EHBP1: variants seen among roughly 807,000 people sequenced by gnomAD.
EHBP1 encodes the protein EH domain-binding protein 1.
In EHBP1, 55 loss-of-function variants were observed where a neutral mutation model predicts 144.0. The ratio of observed to expected loss-of-function variants is 0.38; its 90% CI spans 0.31 to 0.48. The LOEUF is 0.48. Ranked by LOEUF, EHBP1 falls within the 20% of genes least tolerant of loss-of-function variation. The pLI, the probability that EHBP1 is intolerant of heterozygous loss-of-function variation, is 0.98. For synonymous variants in EHBP1, 469 were observed against 472.7 expected (o/e 0.99, Z 0.10); for missense variants, 1,200 against 1,364.2 (o/e 0.88, Z 1.90).
chr2:62,985,276 G>C (rs1311590208), intron 15 of EHBP1, among the ~76,000 whole-genome samples: 1 of 152,038 alleles, frequency 6.6e-6, no homozygotes, highest in African/African-American at 2.4e-5. Context: ...ACAGTCCCTA[G>C]ACCACTTTTG....
chr2:62,890,071 C>G (rs2052330189), intron 10 of EHBP1, among the ~76,000 whole-genome samples: 1 of 151,280 alleles, frequency 6.6e-6, no homozygotes, highest in South Asian at 2.1e-4. Flanking sequence ...AGTGATTCTC[C>G]TGCCTCAGCC....
chr2:63,009,935 C>T (rs2060200212), intron 19 of EHBP1, among the ~76,000 whole-genome samples: 2 of 151,322 alleles, frequency 1.3e-5, no homozygotes, highest in Non-Finnish European at 3.0e-5. Context: ...ACAATTATAA[C>T]AATATACTGT....
At chr2:62,875,209 C>T (rs13431760) in intron 10 of EHBP1, among the ~76,000 whole-genome samples, 187 of 152,340 alleles carry the variant, frequency 1.2e-3, no homozygotes, top group Middle Eastern at 0.01. Context: ...GCTGCCACCC[C>T]GATGAAATGC....
At chr2:62,835,028 C>T (rs960573689) in intron 7 of EHBP1, among the ~76,000 whole-genome samples, 8 of 152,090 alleles carry the variant, frequency 5.3e-5, no homozygotes, top group Admixed American at 2.0e-4. Flanking sequence ...TCTCTTAAAG[C>T]CTCATTATAA....
At chr2:62,705,334 A>G (rs1468985024), upstream of EHBP1, among the ~76,000 whole-genome samples, 2 of 152,148 alleles carry the variant, frequency 1.3e-5, no homozygotes, top group African/African-American at 4.8e-5. Flanking sequence ...CTTAGGGGCC[A>G]GAAACCCAGC....
intron 3 of EHBP1, among the ~76,000 whole-genome samples, chr2:62,749,952 T>C (rs1216248039): frequency 6.6e-6 from 1 of 152,186 alleles, no homozygotes; most frequent in Non-Finnish European, 1.5e-5. Context: ...ACTCTCATGG[T>C]GGTTTCTTTT....
At chr2:62,905,557 G>A (rs2053732412) in intron 10 of EHBP1, among the ~76,000 whole-genome samples, 1 of 151,164 alleles carries the variant, frequency 6.6e-6, no homozygotes, top group Admixed American at 6.6e-5. Context: ...GGGCGCAGCA[G>A]CTCATACCTA....
rs947384290 is a variant in EHBP1, at chr2:62,843,816, A to G, written c.634+12658A>G. Among the ~76,000 whole-genome samples the G allele has an allele frequency of 5.3e-5, 8 of 152,224 alleles. 1 individual carries two copies. Among genetic ancestry groups the G allele is most frequent in the Non-Finnish European group, 1.0e-4 (7 of 68,018 alleles). ...AATAGCTCAAGAAAACAAAATGGAC[A>G]TATTTTATAAGCATGGTTACAAATA... On this transcript the variant is annotated intron_variant, in intron 7 of 22. Coordinates refer to ENST00000431489, the MANE Select transcript of EHBP1 (RefSeq NM_001142616.3).
intron 10 of EHBP1, among the ~76,000 whole-genome samples, chr2:62,934,566 TG>T (rs748172975): frequency 2.6e-5 from 4 of 152,214 alleles, no homozygotes; most frequent in Non-Finnish European, 5.9e-5. Context: ...GCATCAGGTA[TG>T]CTAGGCCATA....
chr2:62,903,100 A>G (rs1297181440), intron 10 of EHBP1, among the ~76,000 whole-genome samples: 1 of 152,216 alleles, frequency 6.6e-6, no homozygotes, highest in Non-Finnish European at 1.5e-5. Context: ...GAAGCATTTA[A>G]AACAAAGGGA....
chr2:62,817,446 A>G (rs2045528810), intron 5 of EHBP1, among the ~76,000 whole-genome samples: 1 of 152,164 alleles, frequency 6.6e-6, no homozygotes, highest in Non-Finnish European at 1.5e-5. Flanking sequence ...GGAGGCCAGT[A>G]TATTGGGGCA....
chr2:62,946,874 G>A (rs1225343259), intron 12 of EHBP1, among the ~76,000 whole-genome samples: 1 of 152,130 alleles, frequency 6.6e-6, no homozygotes, highest in Non-Finnish European at 1.5e-5. Flanking sequence ...AACACCAGCA[G>A]GAGTTTCCCC....
intron 10 of EHBP1, among the ~76,000 whole-genome samples, chr2:62,941,000 G>A (rs751390212): frequency 6.6e-6 from 1 of 152,024 alleles, no homozygotes; most frequent in Admixed American, 6.6e-5. Context: ...TAATTGAATC[G>A]ATGTAATGAT....
chr2:62,820,888 G>GA (rs1368795862), intron 5 of EHBP1, among the ~76,000 whole-genome samples: 3 of 150,048 alleles, frequency 2.0e-5, no homozygotes, highest in Non-Finnish European at 4.4e-5. Flanking sequence ...GAATGGAAAG[G>GA]ATACAATTTG....
chr2:62,798,695 A>G (rs571712985), intron 5 of EHBP1, among the ~76,000 whole-genome samples: 68 of 152,212 alleles, frequency 4.5e-4, no homozygotes, highest in African/African-American at 1.4e-3. Flanking sequence ...AGCAGTAGCT[A>G]GAGTTATAGA....
At chr2:62,843,888 A>C (rs563286421) in intron 7 of EHBP1, among the ~76,000 whole-genome samples, 1 of 152,344 alleles carries the variant, frequency 6.6e-6, no homozygotes, top group African/African-American at 2.4e-5. Context: ...GCAATAACTT[A>C]AATACAGTTT....
intron 7 of EHBP1, among the ~76,000 whole-genome samples, chr2:62,836,754 A>G (rs759732767): frequency 0.015 from 2,174 of 142,926 alleles, 28 homozygotes; most frequent in Non-Finnish European, 0.019. Context: ...GGAAGATGAA[A>G]TGAATGAAAT....
At chr2:62,959,280 T>G (rs2057879120) in intron 14 of EHBP1, among the ~76,000 whole-genome samples, 1 of 152,194 alleles carries the variant, frequency 6.6e-6, no homozygotes, top group African/African-American at 2.4e-5. Flanking sequence ...CATCTGTCAA[T>G]AGACATTTAG....
chr2:62,696,811 C>A (rs1441098904), intron 1 of EHBP1, among the ~76,000 whole-genome samples: 1 of 152,102 alleles, frequency 6.6e-6, no homozygotes, highest in Admixed American at 6.5e-5. Flanking sequence ...GCCACCACGC[C>A]TGACCTTTTT....
Sources: gnomAD v4.1 joint callset for allele counts (sites outside exome capture counted in the v4.1 genomes callset) on GRCh38, gnomAD v4.1.1 for gene constraint, MANE v1.5 for transcripts, NCBI Gene and HGNC (gene_info 2026-07-23, HGNC 2026-07-21) for gene names.